ZFPM2: variants seen among roughly 807,000 people sequenced by gnomAD.
ZFPM2 encodes the protein zinc finger protein, FOG family member 2.
Under a neutral mutation model 98.6 loss-of-function variants are expected in ZFPM2, and 20 were observed. That is an observed-to-expected ratio of 0.20 (90% CI 0.14 to 0.29). The LOEUF is 0.29. Among genes scored for constraint, ZFPM2 ranks in the 10% least tolerant of loss-of-function variants. ZFPM2 has a pLI of 1.00. For synonymous variants in ZFPM2, 518 were observed against 502.7 expected (o/e 1.03, Z -0.41); for missense variants, 1,310 against 1,388.6 (o/e 0.94, Z 0.90).
chr8:105,747,459 T>A (rs1397500419), intron 5 of ZFPM2, among the ~76,000 whole-genome samples: 3 of 152,098 alleles, frequency 2.0e-5, no homozygotes, highest in Admixed American at 1.3e-4. Flanking sequence ...TTACCATTCA[T>A]AATGAATGCA....
chr8:105,553,086 C>G (rs1323725041), intron 3 of ZFPM2, among the ~76,000 whole-genome samples: 1 of 152,042 alleles, frequency 6.6e-6, no homozygotes, highest in Non-Finnish European at 1.5e-5. Context: ...GCTGGGATTA[C>G]AGACGTGAAC....
chr8:105,787,313 G>T (rs750989305), intron 5 of ZFPM2: 2 of 152,198 alleles, frequency 1.3e-5, no homozygotes, highest in Non-Finnish European at 2.9e-5. Context: ...TTCGTGAAAA[G>T]TAGTTGTTTT....
chr8:105,700,955 A>T (rs1383422403), intron 5 of ZFPM2, among the ~76,000 whole-genome samples: 3 of 152,162 alleles, frequency 2.0e-5, no homozygotes, highest in African/African-American at 7.2e-5. Flanking sequence ...TGTTTTTGCC[A>T]TAACCTGCCA....
chr8:105,380,707 A>ATATATTATATATAACATATATAT (rs1220483576), intron 1 of ZFPM2, among the ~76,000 whole-genome samples: 1 of 21,868 alleles, frequency 4.6e-5, no homozygotes, highest in Non-Finnish European at 7.4e-5. Flanking sequence ...CATATATAAT[A>ATATATTATATATAACATATATAT]TATATATATA....
chr8:105,398,120 G>A (rs1294467128), intron 1 of ZFPM2, among the ~76,000 whole-genome samples: 6 of 152,126 alleles, frequency 3.9e-5, no homozygotes, highest in Non-Finnish European at 5.9e-5. Context: ...ACGCAAAGGA[G>A]CTCATAAACT....
At chr8:105,565,307 C>T (rs1346047159) in intron 4 of ZFPM2, among the ~76,000 whole-genome samples, 2 of 152,096 alleles carry the variant, frequency 1.3e-5, no homozygotes, top group African/African-American at 4.8e-5. Context: ...AATTATATAA[C>T]ACACTGAACA....
intron 1 of ZFPM2, among the ~76,000 whole-genome samples, chr8:105,324,867 A>G (rs1305892514): frequency 2.0e-5 from 3 of 151,870 alleles, no homozygotes; most frequent in Admixed American, 2.0e-4. Flanking sequence ...AAGTTTTTTG[A>G]TGTTTGGCCA....
intron 5 of ZFPM2, among the ~76,000 whole-genome samples, chr8:105,693,980 CTTTTTTTTTTTTTTT>C (rs376834507): frequency 1.7e-5 from 2 of 118,412 alleles, no homozygotes; most frequent in Admixed American, 8.5e-5. Flanking sequence ...TTTTTCTTTT[CTTTTTTTTTTTTTTT>C]TTTTTTTGAG....
chr8:105,584,016 C>T (rs1815658827), intron 4 of ZFPM2, among the ~76,000 whole-genome samples: 1 of 152,108 alleles, frequency 6.6e-6, no homozygotes, highest in Non-Finnish European at 1.5e-5. Context: ...AAAAATTCCT[C>T]ATGAAATAAA....
At chr8:105,715,160 A>G (rs558189488) in intron 5 of ZFPM2, among the ~76,000 whole-genome samples, 4 of 152,210 alleles carry the variant, frequency 2.6e-5, no homozygotes, top group Non-Finnish European at 4.4e-5. Context: ...ATACTTTGGG[A>G]GTCCAAGATG....
chr8:105,408,304 T>C (rs1811504602), intron 1 of ZFPM2, among the ~76,000 whole-genome samples: 1 of 151,916 alleles, frequency 6.6e-6, no homozygotes, highest in South Asian at 2.1e-4. Context: ...AGATATGTTT[T>C]ATAGGGAGGT....
chr8:105,363,117 G>A (rs143698761), intron 1 of ZFPM2, among the ~76,000 whole-genome samples: 4 of 152,108 alleles, frequency 2.6e-5, no homozygotes, highest in African/African-American at 9.6e-5. Context: ...TGCACAAATC[G>A]GACTACATGA....
chr8:105,379,775 T>G (rs1810806776), intron 1 of ZFPM2, among the ~76,000 whole-genome samples: 1 of 150,274 alleles, frequency 6.7e-6, no homozygotes, highest in Non-Finnish European at 1.5e-5. Context: ...AAAAAAAGTT[T>G]ACATTGACTG....
chr8:105,397,161 A>G (rs1811239696), intron 1 of ZFPM2, among the ~76,000 whole-genome samples: 1 of 152,044 alleles, frequency 6.6e-6, no homozygotes, highest in Non-Finnish European at 1.5e-5. Context: ...CCCCTCTATC[A>G]TATCTTATCT....
intron 5 of ZFPM2, among the ~76,000 whole-genome samples, chr8:105,644,407 A>G (rs1279550947): frequency 2.7e-5 from 4 of 150,504 alleles, no homozygotes; most frequent in South Asian, 2.1e-4. Context: ...TCGGCTCTCT[A>G]TGACTTCTTT....
intron 1 of ZFPM2, among the ~76,000 whole-genome samples, chr8:105,380,601 T>TA (rs1491363319): frequency 1.5e-4 from 6 of 39,520 alleles, no homozygotes; most frequent in Non-Finnish European, 2.5e-4. Context: ...TATATATATA[T>TA]TATATATATA....
intron 3 of ZFPM2, among the ~76,000 whole-genome samples, chr8:105,541,875 A>C (rs2130627297): frequency 6.6e-6 from 1 of 152,298 alleles, no homozygotes; most frequent in African/African-American, 2.4e-5. Context: ...AATGGACACC[A>C]AATGCCATTT....
chr8:105,580,944 T>G (rs1407300768), intron 4 of ZFPM2, among the ~76,000 whole-genome samples: 1 of 151,820 alleles, frequency 6.6e-6, no homozygotes, highest in African/African-American at 2.4e-5. Context: ...AAAATTACAA[T>G]GAAAATTACA....
At position 105,801,882 on chromosome 8, in the gene ZFPM2, C is replaced by A; in HGVS notation, c.1800C>A (p.Gly600=). The A allele has an allele frequency of 6.2e-7, 1 of 1,613,942 alleles. No homozygotes were observed. The highest frequency in any genetic ancestry group is 8.5e-7 in the Non-Finnish European group (1 of 1,179,876). ...CTGAAGCTTTGAGTCCCAACACTGG[C>A]CAAACCTCCATAAACCTTCTCAACC... The part of the protein sequence containing the change: ...KMPEALSPNT[G]QTSINLLNPA... The change falls in exon 8 of 8, where the codon GGC becomes GGA. Residue 600 remains glycine, a synonymous_variant. Transcript: ENST00000407775.
Sources: allele counts gnomAD v4.1 joint callset (sites outside exome capture counted in the v4.1 genomes callset), GRCh38; gene constraint gnomAD v4.1.1; transcripts MANE v1.5; gene names NCBI Gene and HGNC (gene_info 2026-07-23, HGNC 2026-07-21).